NR6A1: variants seen among roughly 807,000 people sequenced by gnomAD.
NR6A1 encodes the protein retinoic acid receptor-related testis-associated receptor.
A neutral mutation model predicts 59.1 loss-of-function variants in NR6A1; 7 were observed. That is an observed-to-expected ratio of 0.12 (90% confidence interval 0.07 to 0.22). The LOEUF (loss-of-function observed/expected upper bound fraction) is 0.22, where lower values mean the gene tolerates loss of function less well. Ranked by LOEUF, NR6A1 falls within the 10% of genes least tolerant of loss-of-function variation. NR6A1 has a pLI of 1.00. For synonymous variants in NR6A1, 243 were observed against 236.1 expected, an observed-to-expected ratio of 1.03 and a Z score of -0.27; for missense variants, 468 against 611.6, an observed-to-expected ratio of 0.77 and a Z score of 2.48.
chr9:124,617,570 GA>G (rs1835935992), intron 2 of NR6A1, among the ~76,000 whole-genome samples: 1 of 152,158 alleles, frequency 6.6e-6, no homozygotes, highest in African/African-American at 2.4e-5. Flanking sequence ...TATGAAGTTG[GA>G]AACTATAGAA....
intron 2 of NR6A1, among the ~76,000 whole-genome samples, chr9:124,710,167 G>C (rs565715702): frequency 1.3e-5 from 2 of 151,988 alleles, no homozygotes; most frequent in African/African-American, 4.8e-5. Context: ...GATCAGACAC[G>C]AGACAAGTCA....
chr9:124,634,006 T>C (rs1422658206), intron 2 of NR6A1, among the ~76,000 whole-genome samples: 1 of 152,268 alleles, frequency 6.6e-6, no homozygotes, highest in African/African-American at 2.4e-5. Context: ...AATATGATGA[T>C]AGCCTCTTGA....
At chr9:124,654,875 T>TACACACAC (rs3983841) in intron 2 of NR6A1, among the ~76,000 whole-genome samples, 16,521 of 123,704 alleles carry the variant, frequency 0.13, 1,243 homozygotes, top group African/African-American at 0.16. Context: ...TTTTTTTTTG[T>TACACACAC]ACACACACAC....
intron 3 of NR6A1, 42 bp downstream of exon 3, chr9:124,554,286 T>A: frequency 6.2e-7 from 1 of 1,613,474 alleles, no homozygotes; most frequent in Non-Finnish European, 8.5e-7. Context: ...AGGTAAAGTT[T>A]TGAATGAAGG....
At chr9:124,625,179 G>C (rs1014504510) in intron 2 of NR6A1, among the ~76,000 whole-genome samples, 2 of 152,166 alleles carry the variant, frequency 1.3e-5, no homozygotes, top group African/African-American at 4.8e-5. Context: ...CCACTCACTA[G>C]CTGTGAGACC....
intron 2 of NR6A1, among the ~76,000 whole-genome samples, chr9:124,645,330 T>C (rs1284569600): frequency 6.6e-6 from 1 of 152,234 alleles, no homozygotes; most frequent in Non-Finnish European, 1.5e-5. Context: ...GGTTTAAATG[T>C]ACCAATTAAA....
intron 2 of NR6A1, among the ~76,000 whole-genome samples, chr9:124,671,200 A>G (rs1316154401): frequency 1.3e-5 from 2 of 152,220 alleles, no homozygotes; most frequent in Non-Finnish European, 2.9e-5. Flanking sequence ...CAAAGTGAAT[A>G]TATACTACTG....
intron 2 of NR6A1, among the ~76,000 whole-genome samples, chr9:124,710,093 G>A (rs1428284786): frequency 6.6e-6 from 1 of 152,034 alleles, no homozygotes; most frequent in Admixed American, 6.5e-5. Flanking sequence ...GATGAAAATG[G>A]AAAATGTTTA....
chr9:124,538,124 T>A lies in NR6A1; in HGVS notation c.792A>T (p.Glu264Asp). 6.2e-7 allele frequency: 1 copy of A among 1,613,496 alleles called. No homozygotes were observed. Reference protein sequence around the residue: ...IHQLLSAEDLEPLGTPMLIED... With the variant: ...IHQLLSAEDLDPLGTPMLIED... ...CAATCAACATGGGCGTGCCCAATGG[T>A]TCCAGGTCCTCGGCTGATAACAGCT... Residue 264 changes from glutamate (E) to aspartate (D), a missense_variant, in exon 6 of 10, where the codon GAA becomes GAT. Around this residue, in one of 4 missense-constraint regions of NR6A1, gnomAD observed 151 missense variants for 142.8 expected, o/e 1.06. Coordinates refer to ENST00000487099, the MANE Select transcript of NR6A1 (RefSeq NM_033334.4).
Position 124,592,961 on chromosome 9 carries a change from A to T in NR6A1, c.143-38391T>A, listed in dbSNP as rs897880614. ...TTAGTCCTCTGGAAAAGGATACAGT[A>T]AAACAGGAATGTTACAGGGTTTGGG... is the stretch of plus-strand genomic sequence containing the variant. On this transcript the variant is annotated intron_variant, in intron 2 of 9. Coordinates refer to ENST00000487099, the MANE Select transcript of NR6A1 (RefSeq NM_033334.4). 2.6e-5 allele frequency among the ~76,000 whole-genome samples: 4 copies of T among 152,252 alleles called. No individual in the cohort carries two copies. In the East Asian group the frequency reaches 7.7e-4, roughly 29 times the overall value.
chr9:124,565,674 T>C (rs116292341), intron 2 of NR6A1, among the ~76,000 whole-genome samples: 1,569 of 152,276 alleles, frequency 0.01, 28 homozygotes, highest in African/African-American at 0.035. Context: ...GAGACTTGAA[T>C]AGGTGTGCCA....
chr9:124,602,865 T>A (rs1398418139), intron 2 of NR6A1, among the ~76,000 whole-genome samples: 1 of 152,196 alleles, frequency 6.6e-6, no homozygotes, highest in Non-Finnish European at 1.5e-5. Context: ...TTCTCCAGCT[T>A]CATTTCCCAC....
At chr9:124,549,710 A>T (rs759832284) in intron 3 of NR6A1, among the ~76,000 whole-genome samples, 6 of 152,206 alleles carry the variant, frequency 3.9e-5, no homozygotes, top group Non-Finnish European at 8.8e-5. Flanking sequence ...TTTTGAGGTA[A>T]GTTTAGACTT....
intron 4 of NR6A1, among the ~76,000 whole-genome samples, chr9:124,541,512 A>C (rs1243858724): frequency 6.6e-6 from 1 of 152,168 alleles, no homozygotes; most frequent in Non-Finnish European, 1.5e-5. Flanking sequence ...AACAAACAAA[A>C]AACCAGTCCA....
In NR6A1 at chr9:124,564,691, G is replaced by A. The variant is rs934970606; in HGVS notation, c.143-10121C>T. On this transcript the variant is annotated intron_variant, in intron 2 of 9. Coordinates refer to ENST00000487099, the MANE Select transcript of NR6A1 (RefSeq NM_033334.4). ...TTCAAAATCCACACTCTGTGTGTGT[G>A]TGTGTGTGTGTGTGTGTGTATAACT... Among the ~76,000 whole-genome samples, 704 of 152,068 alleles carry A rather than the reference G, an allele frequency of 4.6e-3. 6 individuals carry two copies. Among genetic ancestry groups the A allele is most frequent in the African/African-American group, 0.016 (657 of 41,506 alleles).
intron 2 of NR6A1, among the ~76,000 whole-genome samples, chr9:124,571,979 T>A (rs917930013): frequency 6.6e-6 from 1 of 150,402 alleles, no homozygotes; most frequent in Non-Finnish European, 1.5e-5. Context: ...TATTTAGAGA[T>A]CAGGAAGAAC....
chr9:124,736,168 T>C (rs577396991), intron 1 of NR6A1, among the ~76,000 whole-genome samples: 1 of 152,326 alleles, frequency 6.6e-6, no homozygotes, highest in South Asian at 2.1e-4. Flanking sequence ...TCCTAGGTTC[T>C]AACTCAAGCC....
intron 7 of NR6A1, among the ~76,000 whole-genome samples, chr9:124,528,321 G>C (rs906212963): frequency 4.6e-5 from 7 of 152,090 alleles, no homozygotes; most frequent in Admixed American, 4.6e-4. Context: ...GTATCCATGG[G>C]TTCTATATCT....
chr9:124,618,067 A>G (rs1295801256), intron 2 of NR6A1, among the ~76,000 whole-genome samples: 1 of 152,248 alleles, frequency 6.6e-6, no homozygotes, highest in Non-Finnish European at 1.5e-5. Flanking sequence ...GTTGAAAGAA[A>G]GAATGGAAAG....
Sources: allele counts gnomAD v4.1 joint callset (sites outside exome capture counted in the v4.1 genomes callset), GRCh38; gene constraint gnomAD v4.1.1; regional missense constraint gnomAD v4.1.1; transcripts MANE v1.5; gene names NCBI Gene and HGNC (gene_info 2026-07-23, HGNC 2026-07-21).